TBC1D4: variants seen among roughly 807,000 people sequenced by gnomAD.
The protein encoded by TBC1D4 is TBC1 domain family member 4, also known as TBC (Tre-2, BUB2, CDC16) domain-containing protein.
TBC1D4 carries 121 observed loss-of-function variants against 142.5 expected under a neutral mutation model. The ratio of observed to expected loss-of-function variants is 0.85; its 90% CI spans 0.73 to 0.99. The LOEUF (loss-of-function observed/expected upper bound fraction) is 0.99, where lower values mean the gene tolerates loss of function less well. Among genes scored for constraint, TBC1D4 ranks in the 50% least tolerant of loss-of-function variants. The pLI, the probability that TBC1D4 is intolerant of heterozygous loss-of-function variation, is 0.00. For synonymous variants in TBC1D4, 630 were observed against 628.2 expected (o/e 1.00, Z -0.04); for missense variants, 1,475 against 1,606.6 (o/e 0.92, Z 1.40).
At chr13:75,339,970 T>C (rs1880546517) in intron 7 of TBC1D4, among the ~76,000 whole-genome samples, 1 of 152,220 alleles carries the variant, frequency 6.6e-6, no homozygotes, top group South Asian at 2.1e-4. Flanking sequence ...TCCTCTTCTC[T>C]TACTCTCTAC....
chr13:75,473,270 T>C (rs1888492127), intron 1 of TBC1D4, among the ~76,000 whole-genome samples: 1 of 152,094 alleles, frequency 6.6e-6, no homozygotes, highest in South Asian at 2.1e-4. Flanking sequence ...CAATTTTTAC[T>C]GAATTTTAAA....
At chr13:75,363,609 C>T (rs911593651) in intron 1 of TBC1D4, among the ~76,000 whole-genome samples, 1 of 150,778 alleles carries the variant, frequency 6.6e-6, no homozygotes, top group Non-Finnish European at 1.5e-5. Flanking sequence ...GTACTTCTTA[C>T]ATATATTGAC....
At chr13:75,303,367 A>G (rs1876791330) in intron 15 of TBC1D4, among the ~76,000 whole-genome samples, 1 of 152,204 alleles carries the variant, frequency 6.6e-6, no homozygotes, top group African/African-American at 2.4e-5. Flanking sequence ...CGTAACTGAT[A>G]TGCTCCAGAA....
Position 75,349,231 on chromosome 13 carries a change from C to G in TBC1D4, c.1347G>C (p.Gln449His). Reference protein sequence around the residue: ...TAAALQSAKTQIKLCEACPMH... With the variant: ...TAAALQSAKTHIKLCEACPMH... Reference sequence around the variant, plus strand: ...TCGGGCAGGCCTCACACAGTTTAATCTGCGTCTTGGCACTCTGCAGGGCAG... The same window carrying G: ...TCGGGCAGGCCTCACACAGTTTAATGTGCGTCTTGGCACTCTGCAGGGCAG... Residue 449 changes from glutamine to histidine, a missense_variant, in exon 5 of 21, where the codon CAG (glutamine) becomes CAC (histidine). Physicochemically the swap from Gln to His is conservative, Grantham distance 24 (BLOSUM62 0). This residue lies in a region of TBC1D4 where 1,227 missense variants were observed against 1,267.7 expected (regional missense o/e 0.97). Transcript: ENST00000377636. The G allele has an allele frequency of 6.2e-7, 1 of 1,614,018 alleles. No homozygotes were observed. Among genetic ancestry groups the G allele is most frequent in the Non-Finnish European group, 8.5e-7 (1 of 1,179,948 alleles).
chr13:75,445,508 C>T (rs970907156), intron 1 of TBC1D4, among the ~76,000 whole-genome samples: 2 of 152,078 alleles, frequency 1.3e-5, no homozygotes, highest in African/African-American at 4.8e-5. Context: ...CCACTGAGAT[C>T]GTATATGCAA....
chr13:75,328,425 T>C (rs1566384201), intron 8 of TBC1D4, among the ~76,000 whole-genome samples: 1 of 152,164 alleles, frequency 6.6e-6, no homozygotes, highest in African/African-American at 2.4e-5. Flanking sequence ...CACATAGTCC[T>C]TTGGTGTGGA....
intron 12 of TBC1D4, chr13:75,316,483 T>C (rs1236922698): frequency 6.6e-6 from 1 of 152,156 alleles, no homozygotes; most frequent in Admixed American, 6.5e-5. Context: ...TAACAAACCA[T>C]TGACCCTTTA....
chr13:75,453,522 A>C (rs1042721151), intron 1 of TBC1D4, among the ~76,000 whole-genome samples: 2 of 152,158 alleles, frequency 1.3e-5, no homozygotes, highest in Non-Finnish European at 2.9e-5. Flanking sequence ...AGTTATATAT[A>C]TATGTATGTA....
chr13:75,395,754 C>T (rs772057564), intron 1 of TBC1D4, among the ~76,000 whole-genome samples: 4 of 152,076 alleles, frequency 2.6e-5, no homozygotes, highest in Admixed American at 6.6e-5. Flanking sequence ...CACTTGAACC[C>T]GGGAGGCGGA....
rs377252828 is a variant in TBC1D4, at chr13:75,356,215, G to T, written c.1207C>A (p.Arg403=). ...CTAAGTCCAGGCTCTGGAGACTCCCGGCAGATAAAGCCAAAGTGATCCACA... is the reference window on the plus strand; with the variant it reads ...CTAAGTCCAGGCTCTGGAGACTCCCTGCAGATAAAGCCAAAGTGATCCACA... ...KHVDHFGFIC[R]ESPEPGLSQY... Residue 403 remains arginine (R), a synonymous_variant, in exon 4 of 21, where the codon CGG becomes AGG. Coordinates refer to ENST00000377636, the MANE Select transcript of TBC1D4 (RefSeq NM_014832.5). The T allele has an allele frequency of 4.3e-6, 7 of 1,613,586 alleles. No individual in the cohort carries two copies. The East Asian group carries it at 6.7e-5, about 15-fold the overall frequency.
chr13:75,294,832 T>C (rs1196029558), intron 18 of TBC1D4, 22 bp downstream of exon 18: 5 of 1,611,088 alleles, frequency 3.1e-6, no homozygotes, highest in Non-Finnish European at 4.2e-6. Flanking sequence ...TACTGTTCCA[T>C]TTAATTACAG....
chr13:75,359,043 G>A (rs1330653480), intron 3 of TBC1D4, among the ~76,000 whole-genome samples: 1 of 152,072 alleles, frequency 6.6e-6, no homozygotes, highest in Non-Finnish European at 1.5e-5. Context: ...ATGGACCTTG[G>A]CAAGATCCAG....
At chr13:75,309,897 C>T (rs1211167790) in intron 14 of TBC1D4, 45 bp downstream of exon 14, 4 of 1,599,714 alleles carry the variant, frequency 2.5e-6, no homozygotes, top group East Asian at 2.2e-5. Flanking sequence ...AACATACACC[C>T]TTCAATCATA....
At chr13:75,292,446 T>C (rs932563538) in intron 18 of TBC1D4, among the ~76,000 whole-genome samples, 175 bp from the exon 19 acceptor site, 3 of 152,200 alleles carry the variant, frequency 2.0e-5, no homozygotes, top group African/African-American at 4.8e-5. Flanking sequence ...TATAAGCAGA[T>C]GTTTTAATAT....
At chr13:75,369,318 A>T (rs979836312) in intron 1 of TBC1D4, among the ~76,000 whole-genome samples, 1 of 151,938 alleles carries the variant, frequency 6.6e-6, no homozygotes, top group African/African-American at 2.4e-5. Context: ...ACATAGGGAG[A>T]CTCCGTCTCT....
intron 2 of TBC1D4, among the ~76,000 whole-genome samples, chr13:75,360,280 C>T (rs900869812): frequency 4.6e-5 from 7 of 151,956 alleles, no homozygotes; most frequent in Admixed American, 1.3e-4. Flanking sequence ...TTGAAAATAA[C>T]CCATTCAGAA....
chr13:75,339,396 T>G (rs1176018058), intron 7 of TBC1D4, among the ~76,000 whole-genome samples: 8 of 152,090 alleles, frequency 5.3e-5, no homozygotes, highest in African/African-American at 1.9e-4. Context: ...CTCACTCCCT[T>G]ACTTGAAATC....
rs1236909034 is a variant in TBC1D4, at chr13:75,362,162, C to T, written c.944G>A (p.Arg315Gln). ...GFDEQQEFRS[R>Q]CSSVTGVQRR... ...TTGCACGCCGGTGACACTGCTGCAC[C>T]GAGACCGAAACTCCTGCTGCTCATC... is the stretch of plus-strand genomic sequence containing the variant. The change falls in exon 2 of 21, where the codon CGG becomes CAG. Residue 315 changes from arginine (R) to glutamine (Q), a missense_variant. Arg to Gln is a conservative substitution (Grantham distance 43). Coordinates refer to ENST00000377636, the MANE Select transcript of TBC1D4 (RefSeq NM_014832.5). This position sits in a 1 kb window ranked among gnomAD's most constrained non-coding sequence, Gnocchi z 4.2. The T allele has an allele frequency of 1.2e-6, 2 of 1,613,396 alleles. No individual in the cohort carries two copies. Among genetic ancestry groups the T allele is most frequent in the Non-Finnish European group, 8.5e-7 (1 of 1,180,040 alleles).
At chr13:75,287,584 A>G (rs988926328) in intron 20 of TBC1D4, among the ~76,000 whole-genome samples, 1 of 152,208 alleles carries the variant, frequency 6.6e-6, no homozygotes. Flanking sequence ...ATCGCCATTG[A>G]CCTATCCAAC....
Sources: gnomAD v4.1 joint callset for allele counts (sites outside exome capture counted in the v4.1 genomes callset) on GRCh38, gnomAD v4.1.1 for gene constraint, gnomAD v4.1.1 regional missense constraint, Gnocchi (gnomAD v3.1) non-coding constraint, MANE v1.5 for transcripts, NCBI Gene and HGNC (gene_info 2026-07-23, HGNC 2026-07-21) for gene names.